The following CEP70 variants were observed in gnomAD, a reference collection of about 807,000 sequenced individuals.
CEP70 encodes the protein centrosomal protein 70, also known as centrosomal protein of 70 kDa.
CEP70 carries 70 observed loss-of-function variants against 90.9 expected under a neutral mutation model. The observed-to-expected ratio is 0.77, with a 90% CI of 0.64 to 0.94. The LOEUF (loss-of-function observed/expected upper bound fraction) is 0.94. Among genes scored for constraint, CEP70 ranks in the 40% least tolerant of loss-of-function variants. The pLI is 0.00. For missense variants in CEP70, 648 were observed against 669.0 expected (o/e 0.97, Z 0.35); for synonymous variants, 220 against 228.3 (o/e 0.96, Z 0.33).
Position 138,532,579 on chromosome 3 carries a change from C to G in CEP70, c.636-9G>C, listed in dbSNP as rs979502217. The G allele has an allele frequency of 4.7e-6, 7 of 1,477,604 alleles. No homozygotes were observed. The African/African-American group carries it at 7.4e-5, about 16-fold the overall frequency. 91.5% of individuals were successfully genotyped at this position (1,477,604 alleles called of 1,614,324 possible). On this transcript the variant is annotated splice_polypyrimidine_tract_variant and intron_variant, in intron 7 of 17. Transcript: ENST00000264982. ...CAATTAGACAAAGCAACCTAGAAAA[C>G]AGAATATTGAATTATTTTCAAAATG...
At chr3:138,522,285 TA>T (rs2036736727) in intron 11 of CEP70, among the ~76,000 whole-genome samples, 1 of 115,778 alleles carries the variant, frequency 8.6e-6, no homozygotes. Flanking sequence ...CAATAAATAC[TA>T]AAAAAATTAA....
At chr3:138,534,574 A>G (rs2038103332) in intron 7 of CEP70, among the ~76,000 whole-genome samples, 1 of 152,210 alleles carries the variant, frequency 6.6e-6, no homozygotes, top group Admixed American at 6.5e-5. Flanking sequence ...AATAGTGGGA[A>G]AGTAAACAAG....
At chr3:138,569,887 C>G (rs1378275543) in intron 6 of CEP70, among the ~76,000 whole-genome samples, 1 of 152,034 alleles carries the variant, frequency 6.6e-6, no homozygotes. Flanking sequence ...AACAAATAAA[C>G]AAACAAAGTT....
At chr3:138,517,188 G>A (rs1437413430) in intron 11 of CEP70, among the ~76,000 whole-genome samples, 1 of 151,982 alleles carries the variant, frequency 6.6e-6, no homozygotes, top group Non-Finnish European at 1.5e-5. Context: ...TAAAATCTTT[G>A]TCCTTTATTA....
chr3:138,554,200 GAAA>G (rs58728127), intron 6 of CEP70, among the ~76,000 whole-genome samples: 1 of 131,510 alleles, frequency 7.6e-6, no homozygotes, highest in African/African-American at 2.7e-5. Context: ...GACTCCATAT[GAAA>G]AAAAAAAAAA....
chr3:138,573,400 GAA>G (rs199516304), intron 2 of CEP70, among the ~76,000 whole-genome samples: 1 of 146,870 alleles, frequency 6.8e-6, no homozygotes, highest in Non-Finnish European at 1.5e-5. Context: ...AAAGAAAAAA[GAA>G]AAAAAAAGTC....
intron 7 of CEP70, among the ~76,000 whole-genome samples, chr3:138,536,566 A>T (rs952449874): frequency 6.6e-6 from 1 of 152,048 alleles, no homozygotes; most frequent in African/African-American, 2.4e-5. Flanking sequence ...TTTAAATCTC[A>T]TTCAGTAGGC....
chr3:138,564,780 C>T (rs1180580977), intron 6 of CEP70, among the ~76,000 whole-genome samples: 1 of 152,168 alleles, frequency 6.6e-6, no homozygotes, highest in East Asian at 1.9e-4. Context: ...CCTTTGAAAA[C>T]CAGCACAAAA....
chr3:138,566,789 C>T (rs927503280), intron 6 of CEP70, among the ~76,000 whole-genome samples: 1 of 150,952 alleles, frequency 6.6e-6, no homozygotes, highest in Non-Finnish European at 1.5e-5. Context: ...TGCACATGTA[C>T]CCCAGAACTT....
intron 7 of CEP70, among the ~76,000 whole-genome samples, chr3:138,534,338 C>T (rs1355689437): frequency 6.6e-6 from 1 of 152,162 alleles, no homozygotes; most frequent in Non-Finnish European, 1.5e-5. Context: ...AAGCCTTCCG[C>T]ATCTTAACAT....
chr3:138,590,183 C>T (rs2042310500), intron 2 of CEP70, among the ~76,000 whole-genome samples: 1 of 151,828 alleles, frequency 6.6e-6, no homozygotes, highest in South Asian at 2.1e-4. Flanking sequence ...AAATATAGTT[C>T]TGATACTGTC....
At chr3:138,514,642 AT>A (rs1406820165) in intron 11 of CEP70, among the ~76,000 whole-genome samples, 2 of 152,010 alleles carry the variant, frequency 1.3e-5, no homozygotes, top group African/African-American at 4.8e-5. Context: ...TTAATTTTAA[AT>A]TTTTTAAGTT....
intron 17 of CEP70, chr3:138,497,797 C>T (rs1448786415): frequency 1.0e-6 from 1 of 985,180 alleles, no homozygotes; most frequent in Non-Finnish European, 1.2e-6. Context: ...TGCCATCTCT[C>T]ATGATAAGGT....
intron 11 of CEP70, among the ~76,000 whole-genome samples, chr3:138,516,109 T>C (rs1387027525): frequency 2.0e-5 from 3 of 152,234 alleles, no homozygotes; most frequent in African/African-American, 7.2e-5. Flanking sequence ...TCTCCCACGA[T>C]TGTACGTTTA....
At chr3:138,586,951 A>C (rs1263726122) in intron 2 of CEP70, among the ~76,000 whole-genome samples, 4 of 152,162 alleles carry the variant, frequency 2.6e-5, no homozygotes. Context: ...CCATAAACAT[A>C]CACATCTGTG....
chr3:138,533,297 AG>A (rs2037985584), intron 7 of CEP70, among the ~76,000 whole-genome samples: 1 of 151,998 alleles, frequency 6.6e-6, no homozygotes, highest in South Asian at 2.1e-4. Context: ...AAAAAAAAAA[AG>A]AAAGAAAAAG....
At chr3:138,519,026 A>C (rs961920758) in intron 11 of CEP70, among the ~76,000 whole-genome samples, 1 of 152,226 alleles carries the variant, frequency 6.6e-6, no homozygotes, top group African/African-American at 2.4e-5. Flanking sequence ...CGACAACTAC[A>C]TGACGAATGC....
intron 3 of CEP70, among the ~76,000 whole-genome samples, chr3:138,572,640 A>G (rs1437781822): frequency 6.6e-6 from 1 of 152,238 alleles, no homozygotes; most frequent in Non-Finnish European, 1.5e-5. Context: ...TCATCAAACT[A>G]GTGTTAAGTA....
At chr3:138,497,333 A>AG in intron 17 of CEP70, 1 of 981,974 alleles carries the variant, frequency 1.0e-6, no homozygotes, top group Non-Finnish European at 1.3e-6. Context: ...CCATTCTTTA[A>AG]AAAAAAAAAA....
Sources: allele counts gnomAD v4.1 joint callset (sites outside exome capture counted in the v4.1 genomes callset), GRCh38; gene constraint gnomAD v4.1.1; transcripts MANE v1.5; gene names NCBI Gene and HGNC (gene_info 2026-07-23, HGNC 2026-07-21).